NCOA1: variants seen among roughly 807,000 people sequenced by gnomAD.
NCOA1 encodes Hin-2 protein.
In NCOA1, 35 loss-of-function variants were observed where a neutral mutation model predicts 150.9. The observed-to-expected ratio is 0.23, with a 90% confidence interval of 0.18 to 0.31. The LOEUF (loss-of-function observed/expected upper bound fraction) is 0.31, where lower values mean the gene tolerates loss of function less well. Among genes scored for constraint, NCOA1 ranks in the 10% least tolerant of loss-of-function variants. NCOA1 has a pLI of 1.00. For synonymous variants in NCOA1, 590 were observed against 630.0 expected, an observed-to-expected ratio of 0.94 and a Z score of 0.95; for missense variants, 1,491 against 1,749.3, an observed-to-expected ratio of 0.85 and a Z score of 2.63.
At chr2:24,628,583 A>G (rs1669537137) in intron 3 of NCOA1, among the ~76,000 whole-genome samples, 1 of 152,222 alleles carries the variant, frequency 6.6e-6, no homozygotes, top group South Asian at 2.1e-4. Flanking sequence ...ACATAATCAC[A>G]CAACAAATAT....
At chr2:24,623,443 T>G (rs555290713) in intron 3 of NCOA1, among the ~76,000 whole-genome samples, 2 of 152,360 alleles carry the variant, frequency 1.3e-5, no homozygotes, top group African/African-American at 4.8e-5. Context: ...ATCATCTAAT[T>G]TTCTTTTTCT....
chr2:24,544,825 C>T (rs1558781733), intron 1 of NCOA1, among the ~76,000 whole-genome samples: 1 of 151,896 alleles, frequency 6.6e-6, no homozygotes, highest in Non-Finnish European at 1.5e-5. Flanking sequence ...GCTAACAATT[C>T]AAAAAACATT....
At chr2:24,620,212 A>G (rs1260413268) in intron 3 of NCOA1, among the ~76,000 whole-genome samples, 1 of 152,162 alleles carries the variant, frequency 6.6e-6, no homozygotes, top group African/African-American at 2.4e-5. Context: ...ATAAACTGGC[A>G]ATAATTTCAG....
At chr2:24,652,314 G>A (rs1670743710) in intron 4 of NCOA1, among the ~76,000 whole-genome samples, 1 of 152,028 alleles carries the variant, frequency 6.6e-6, no homozygotes, top group Non-Finnish European at 1.5e-5. Context: ...ACCCTTACGT[G>A]TCTTAGGACT....
intron 14 of NCOA1, among the ~76,000 whole-genome samples, chr2:24,721,790 C>A (rs1047507659): frequency 6.6e-6 from 1 of 152,196 alleles, no homozygotes; most frequent in South Asian, 2.1e-4. Flanking sequence ...TTCTGGTGTT[C>A]TGGGAAAATT....
chr2:24,752,405 T>C (rs1238390783), intron 20 of NCOA1, among the ~76,000 whole-genome samples: 1 of 152,224 alleles, frequency 6.6e-6, no homozygotes, highest in Non-Finnish European at 1.5e-5. Flanking sequence ...AAGTAGAAGA[T>C]TATTGGCTAC....
intron 20 of NCOA1, among the ~76,000 whole-genome samples, chr2:24,756,228 T>G (rs1225244064): frequency 1.3e-5 from 2 of 152,154 alleles, no homozygotes; most frequent in Non-Finnish European, 2.9e-5. Flanking sequence ...CACTCCAGCC[T>G]GGGCAACAAG....
intron 3 of NCOA1, among the ~76,000 whole-genome samples, chr2:24,611,320 G>C (rs1668614880): frequency 6.6e-6 from 1 of 152,122 alleles, no homozygotes; most frequent in South Asian, 2.1e-4. Flanking sequence ...TGGTATACGT[G>C]TACCACATTT....
chr2:24,733,755 A>G (rs1049175314), intron 17 of NCOA1, among the ~76,000 whole-genome samples: 1 of 152,276 alleles, frequency 6.6e-6, no homozygotes, highest in Non-Finnish European at 1.5e-5. Context: ...AAAACAAAAC[A>G]AAACAAAACA....
intron 1 of NCOA1, among the ~76,000 whole-genome samples, chr2:24,505,972 T>TCA (rs1412824509): frequency 6.6e-6 from 1 of 151,308 alleles, no homozygotes; most frequent in South Asian, 2.1e-4. Flanking sequence ...ACAGACTCAC[T>TCA]CACACACACA....
At chr2:24,710,156 C>T (rs1396542186) in intron 13 of NCOA1, among the ~76,000 whole-genome samples, 5 of 151,920 alleles carry the variant, frequency 3.3e-5, no homozygotes, top group Non-Finnish European at 5.9e-5. Flanking sequence ...TGCAGTGGCA[C>T]GATCTCGGCT....
chr2:24,705,680 C>G lies in NCOA1; in HGVS notation c.1097+447C>G, dbSNP rs373596195. On this transcript the variant is annotated intron_variant, in intron 12 of 22. Coordinates refer to ENST00000348332, the MANE Select transcript of NCOA1 (RefSeq NM_003743.5). Reference sequence around the variant, plus strand: ...AACTATCAACTTGATTTTTGAGTGCCATTGTCTCTAATTTGTTCCCCTAAG... The same window carrying G: ...AACTATCAACTTGATTTTTGAGTGCGATTGTCTCTAATTTGTTCCCCTAAG... Among the ~76,000 whole-genome samples, 325 of 152,190 alleles carry G rather than the reference C, an allele frequency of 2.1e-3. 12 individuals carry two copies. The South Asian group carries it at 0.065, about 30-fold the overall frequency.
intron 1 of NCOA1, among the ~76,000 whole-genome samples, chr2:24,507,925 G>A (rs1270647588): frequency 6.6e-6 from 1 of 151,828 alleles, no homozygotes; most frequent in African/African-American, 2.4e-5. Context: ...CCCTGTGAAC[G>A]GTCTCAAATC....
Position 24,762,786 on chromosome 2 carries a change from G to A in NCOA1, c.4155+10G>A. Reference sequence around the variant, plus strand: ...AGCAGATGGAACCCAGGTCAGTAAGGAAATTCTAAGCCCAGAGCTGTCAAA... The same window carrying A: ...AGCAGATGGAACCCAGGTCAGTAAGAAAATTCTAAGCCCAGAGCTGTCAAA... On this transcript the variant is annotated intron_variant, in intron 22 of 22. Coordinates refer to ENST00000348332, the MANE Select transcript of NCOA1 (RefSeq NM_003743.5). 1.9e-6 allele frequency: 3 copies of A among 1,608,676 alleles called. No individual in the cohort carries two copies. Among genetic ancestry groups the A allele is most frequent in the South Asian group, 1.1e-5 (1 of 90,986 alleles).
rs946908247 is a variant in NCOA1, at chr2:24,707,480, C to T, written c.2010C>T (p.Asn670=). ...GCACTTCCAACTCTGCCTCTGCTAACTCTTCAGGAGGTTCTTGTCCCTCTT... is the reference window on the plus strand; with the variant it reads ...GCACTTCCAACTCTGCCTCTGCTAATTCTTCAGGAGGTTCTTGTCCCTCTT... The part of the protein sequence containing the change: ...CTGTSNSASA[N]SSGGSCPSSH... The change falls in exon 13 of 23, where the codon AAC becomes AAT. Residue 670 remains asparagine (N), a synonymous_variant. Coordinates refer to ENST00000348332, the MANE Select transcript of NCOA1 (RefSeq NM_003743.5). 3.1e-6 allele frequency: 5 copies of T among 1,614,104 alleles called. No individual in the cohort carries two copies. In the African/African-American group the frequency reaches 6.7e-5, roughly 22 times the overall value.
At chr2:24,523,924 CAAAAAAAAAA>C (rs70947825) in intron 1 of NCOA1, among the ~76,000 whole-genome samples, 109 of 49,528 alleles carry the variant, frequency 2.2e-3, no homozygotes, top group Middle Eastern at 0.029. Context: ...GACTCTGTCT[CAAAAAAAAAA>C]AAAAAAAAAA....
chr2:24,635,472 A>C (rs1199125649), intron 3 of NCOA1, among the ~76,000 whole-genome samples: 1 of 152,142 alleles, frequency 6.6e-6, no homozygotes, highest in East Asian at 1.9e-4. Context: ...CTCACAAAAA[A>C]ATAAAAATAA....
chr2:24,492,246 C>T (rs1026444099), intron 1 of NCOA1: 3 of 152,206 alleles, frequency 2.0e-5, no homozygotes, highest in Non-Finnish European at 4.4e-5. Context: ...TGGTCCCCTT[C>T]CTGGGATTCA....
intron 1 of NCOA1, among the ~76,000 whole-genome samples, chr2:24,554,768 C>G (rs1385504167): frequency 2.0e-5 from 3 of 152,122 alleles, no homozygotes; most frequent in African/African-American, 7.2e-5. Flanking sequence ...ACATCCGAGT[C>G]TTTAAGAATG....
Sources: allele counts gnomAD v4.1 joint callset (sites outside exome capture counted in the v4.1 genomes callset), GRCh38; gene constraint gnomAD v4.1.1; transcripts MANE v1.5; gene names NCBI Gene and HGNC (gene_info 2026-07-23, HGNC 2026-07-21).